HIVEP1: variants seen among roughly 807,000 people sequenced by gnomAD.
HIVEP1 encodes zinc finger protein 40.
In HIVEP1, 36 loss-of-function variants were observed where a neutral mutation model predicts 180.0. The ratio of observed to expected loss-of-function variants is 0.20; its 90% CI spans 0.15 to 0.26. The LOEUF is 0.26. Among genes scored for constraint, HIVEP1 ranks in the 10% least tolerant of loss-of-function variants. HIVEP1 has a pLI of 1.00. For missense variants in HIVEP1, 3,143 were observed against 3,268.7 expected, an observed-to-expected ratio of 0.96 and a Z score of 0.94; for synonymous variants, 1,239 against 1,239.0, an observed-to-expected ratio of 1.00 and a Z score of 0.00.
At chr6:12,091,137 G>GT (rs1256431897) in intron 3 of HIVEP1, among the ~76,000 whole-genome samples, 4 of 152,090 alleles carry the variant, frequency 2.6e-5, no homozygotes, top group Non-Finnish European at 5.9e-5. Flanking sequence ...AAAAGTCTGA[G>GT]TAACAGTGGT....
At chr6:12,056,849 T>G (rs752170290) in intron 2 of HIVEP1, among the ~76,000 whole-genome samples, 10 of 151,574 alleles carry the variant, frequency 6.6e-5, no homozygotes, top group South Asian at 4.1e-4. Flanking sequence ...TTTTGTTTTT[T>G]TTTTTCAAAC....
intron 2 of HIVEP1, among the ~76,000 whole-genome samples, chr6:12,064,987 A>C (rs183017026): frequency 6.6e-6 from 1 of 152,330 alleles, no homozygotes; most frequent in Admixed American, 6.5e-5. Flanking sequence ...TGGCTCTTCT[A>C]TCTTCAGGTT....
chr6:12,205,090 C>G, the HIVEP1 span, among the ~76,000 whole-genome samples: 2 of 152,118 alleles, frequency 1.3e-5, no homozygotes, highest in African/African-American at 4.8e-5. Flanking sequence ...GATCACACAG[C>G]TGGCAGGGGT....
At chr6:12,209,230 G>A in the HIVEP1 span, among the ~76,000 whole-genome samples, 3,735 of 152,146 alleles carry the variant, frequency 0.025, 56 homozygotes, top group Middle Eastern at 0.065. Flanking sequence ...TCAGGAGATC[G>A]AGACCATCCT....
intron 2 of HIVEP1, among the ~76,000 whole-genome samples, chr6:12,043,292 T>C (rs562128963): frequency 8.3e-4 from 127 of 152,262 alleles, no homozygotes; most frequent in African/African-American, 3.0e-3. Context: ...TTTTATGTGA[T>C]ATTTATATGC....
intron 2 of HIVEP1, among the ~76,000 whole-genome samples, chr6:12,032,979 A>G (rs1251949093): frequency 2.0e-5 from 3 of 152,342 alleles, no homozygotes; most frequent in East Asian, 3.9e-4. Context: ...ACAAGTGATG[A>G]TGAAACTTCA....
chr6:12,020,340 GA>G (rs1202801566), intron 2 of HIVEP1: 1 of 471,078 alleles, frequency 2.1e-6, no homozygotes, highest in East Asian at 6.9e-5. Context: ...GTGTTCAGAA[GA>G]AAGGCTTAGC....
chr6:12,168,384 G>A (rs960190320), downstream of HIVEP1, among the ~76,000 whole-genome samples: 4 of 130,142 alleles, frequency 3.1e-5, no homozygotes, highest in Non-Finnish European at 3.2e-5. Context: ...ATGTATATAT[G>A]TATATATATA....
At chr6:12,081,417 T>C (rs1772780462) in intron 2 of HIVEP1, among the ~76,000 whole-genome samples, 1 of 152,164 alleles carries the variant, frequency 6.6e-6, no homozygotes, top group Non-Finnish European at 1.5e-5. Flanking sequence ...CAGCGATGTC[T>C]CTTACCTCAA....
rs763696809 is a variant in HIVEP1, at chr6:12,124,435, C to A, written c.4640C>A (p.Ser1547Tyr). Residue 1547 changes from serine to tyrosine, a missense_variant, in exon 4 of 9, where the codon TCT (serine) becomes TAT (tyrosine). By Grantham distance (144) the Ser-to-Tyr change is moderately radical. Around this residue, in one of 12 missense-constraint regions of HIVEP1, gnomAD observed 1,357 missense variants for 1,260.5 expected, o/e 1.08. Coordinates refer to ENST00000379388, the MANE Select transcript of HIVEP1 (RefSeq NM_002114.4). ...GSKPDKNSVL[S>Y]GSSKSEDCFA... ...AAGCCAGATAAAAATTCTGTTTTAT[C>A]TGGGTCTTCTAAAAGTGAGGATTGC... 3.1e-6 allele frequency: 5 copies of A among 1,614,144 alleles called. No homozygotes were observed. The highest frequency in any genetic ancestry group is 4.2e-6 in the Non-Finnish European group (5 of 1,180,002).
At chr6:12,202,731 A>T in the HIVEP1 span, among the ~76,000 whole-genome samples, 7 of 152,222 alleles carry the variant, frequency 4.6e-5, no homozygotes, top group African/African-American at 1.7e-4. Flanking sequence ...CAAGGAAGGT[A>T]AATTCAACCC....
chr6:12,136,529 C>T (rs1026196382), intron 7 of HIVEP1, among the ~76,000 whole-genome samples: 6 of 152,200 alleles, frequency 3.9e-5, no homozygotes, highest in Non-Finnish European at 7.3e-5. Context: ...TTTAATCCCC[C>T]TCTTGTTCTG....
chr6:12,116,206 T>TA (rs1021226420), intron 3 of HIVEP1, among the ~76,000 whole-genome samples: 4 of 152,138 alleles, frequency 2.6e-5, no homozygotes, highest in African/African-American at 9.6e-5. Flanking sequence ...TAGATAGATT[T>TA]AAAATTAATC....
rs531702605 is a variant in HIVEP1, at chr6:12,023,223, G to A, written c.40+7555G>A. Among the ~76,000 whole-genome samples, 69 of 152,318 alleles carry A rather than the reference G, an allele frequency of 4.5e-4. 1 individual carries two copies. The highest frequency in any genetic ancestry group is 1.5e-3 in the African/African-American group (64 of 41,566). ...TGAATGTTTTCATTTGCTATCAATTGTGGGCCTACTCCAGTGGTTATTTTA... is the reference window on the plus strand; with the variant it reads ...TGAATGTTTTCATTTGCTATCAATTATGGGCCTACTCCAGTGGTTATTTTA... On this transcript the variant is annotated intron_variant, in intron 2 of 8. Transcript: ENST00000379388.
At chr6:12,136,818 A>G (rs143878550) in intron 7 of HIVEP1, among the ~76,000 whole-genome samples, 12 of 152,340 alleles carry the variant, frequency 7.9e-5, no homozygotes, top group African/African-American at 2.9e-4. Flanking sequence ...CATGTGTTCT[A>G]ACTCATCAGA....
At chr6:12,168,478 A>G (rs1046447786), downstream of HIVEP1, among the ~76,000 whole-genome samples, 4 of 149,856 alleles carry the variant, frequency 2.7e-5, no homozygotes, top group Non-Finnish European at 5.9e-5. Flanking sequence ...GGTTTAAAGC[A>G]AGAATAGCAA....
chr6:12,206,684 G>C, the HIVEP1 span, among the ~76,000 whole-genome samples: 1 of 152,166 alleles, frequency 6.6e-6, no homozygotes, highest in Non-Finnish European at 1.5e-5. Flanking sequence ...CAACCAGTCT[G>C]TGGTGCTTTG....
rs1315594578 is a variant in HIVEP1 at position 12,063,405 on chromosome 6, A to G, written c.41-25779A>G. On this transcript the variant is annotated intron_variant, in intron 2 of 8. Coordinates refer to ENST00000379388, the MANE Select transcript of HIVEP1 (RefSeq NM_002114.4). This position sits in a 1 kb window ranked among gnomAD's most constrained non-coding sequence, Gnocchi z 4.2. ...CAAATGCCTTTTGGGGGGCAAAATC[A>G]CCCCAACCTAAAAACCACTAGTGGA... Among the ~76,000 whole-genome samples, 1 of 152,106 alleles carries G rather than the reference A, an allele frequency of 6.6e-6. No individual in the cohort carries two copies. Among genetic ancestry groups the G allele is most frequent in the Non-Finnish European group, 1.5e-5 (1 of 68,016 alleles).
At chr6:12,167,600 ATACATGTTATAT>A (rs1287358083), downstream of HIVEP1, among the ~76,000 whole-genome samples, 6 of 146,430 alleles carry the variant, frequency 4.1e-5, no homozygotes, top group African/African-American at 1.5e-4. Context: ...ACATGTATAT[ATACATGTTATAT>A]TACATGTATA....
Sources: allele counts gnomAD v4.1 joint callset (sites outside exome capture counted in the v4.1 genomes callset), GRCh38; gene constraint gnomAD v4.1.1; regional missense constraint gnomAD v4.1.1; non-coding constraint Gnocchi (gnomAD v3.1); transcripts MANE v1.5; gene names NCBI Gene and HGNC (gene_info 2026-07-23, HGNC 2026-07-21).